Variants in ZMAT4 observed in about 807,000 individuals in gnomAD.
ZMAT4 encodes the protein zinc finger matrin-type protein 4.
In ZMAT4, 17 loss-of-function variants were observed where a neutral mutation model predicts 28.7. The observed-to-expected ratio is 0.59, with a 90% CI of 0.41 to 0.89. The LOEUF is 0.89. ZMAT4 is among the 40% of genes least tolerant of loss of function. The probability of loss-of-function intolerance (pLI) is 0.00; values close to 1 mark genes in which losing one functional copy is unlikely to be tolerated. For missense variants in ZMAT4, 240 were observed against 283.8 expected, an observed-to-expected ratio of 0.85 and a Z score of 1.11; for synonymous variants, 117 against 109.2, an observed-to-expected ratio of 1.07 and a Z score of -0.44.
intron 2 of ZMAT4, among the ~76,000 whole-genome samples, chr8:40,779,791 A>ATCTGGGCTGCC (rs1432402199): frequency 1.3e-5 from 2 of 152,162 alleles, no homozygotes; most frequent in Non-Finnish European, 2.9e-5. Context: ...ATTGGCAGGA[A>ATCTGGGCTGCC]AAGAAACCAG....
At chr8:40,876,623 ATCT>A (rs1230801736) in intron 1 of ZMAT4, among the ~76,000 whole-genome samples, 1 of 152,162 alleles carries the variant, frequency 6.6e-6, no homozygotes, top group African/African-American at 2.4e-5. Flanking sequence ...CCTGCTTATG[ATCT>A]TCTTCATAGT....
At chr8:40,720,960 T>A (rs1296441477) in intron 3 of ZMAT4, among the ~76,000 whole-genome samples, 1 of 141,966 alleles carries the variant, frequency 7.0e-6, no homozygotes, top group Non-Finnish European at 1.6e-5. Context: ...TTTGTTTGTT[T>A]ATTTGTGTTT....
At chr8:40,584,126 T>G (rs1804582700) in intron 5 of ZMAT4, among the ~76,000 whole-genome samples, 1 of 152,180 alleles carries the variant, frequency 6.6e-6, no homozygotes, top group Admixed American at 6.5e-5. Flanking sequence ...TTTGGGGTCC[T>G]GAGTTTATTT....
chr8:40,851,223 G>A (rs892350740), intron 1 of ZMAT4, among the ~76,000 whole-genome samples: 15 of 152,278 alleles, frequency 9.9e-5, no homozygotes, highest in Non-Finnish European at 1.5e-4. Context: ...AGCTACTAGG[G>A]AGGCTAAGGC....
intron 2 of ZMAT4, among the ~76,000 whole-genome samples, chr8:40,775,065 T>C (rs551152854): frequency 1.4e-4 from 22 of 152,308 alleles, no homozygotes; most frequent in African/African-American, 5.1e-4. Flanking sequence ...ATTATATCTG[T>C]TGGTTTCACT....
At chr8:40,592,575 C>T (rs1315123447) in intron 5 of ZMAT4, among the ~76,000 whole-genome samples, 1 of 152,146 alleles carries the variant, frequency 6.6e-6, no homozygotes, top group Non-Finnish European at 1.5e-5. Flanking sequence ...AATGGCTTTG[C>T]ATCTTCAAAA....
intron 6 of ZMAT4, among the ~76,000 whole-genome samples, chr8:40,556,401 C>T (rs1352944952): frequency 5.3e-5 from 8 of 152,090 alleles, no homozygotes. Context: ...GGAGTGATAC[C>T]TCCATCATCA....
intron 2 of ZMAT4, among the ~76,000 whole-genome samples, chr8:40,809,276 G>A (rs935024900): frequency 7.3e-5 from 7 of 96,418 alleles, no homozygotes; most frequent in Admixed American, 3.9e-4. Flanking sequence ...CATAAAGATG[G>A]GAACAATGGA....
chr8:40,849,752 C>T (rs764245818), intron 1 of ZMAT4, among the ~76,000 whole-genome samples: 1 of 152,184 alleles, frequency 6.6e-6, no homozygotes, highest in Non-Finnish European at 1.5e-5. Flanking sequence ...GGATCTCCTT[C>T]CGTGTCTAGA....
At chr8:40,879,630 T>C (rs528981856) in intron 1 of ZMAT4, among the ~76,000 whole-genome samples, 24 of 152,326 alleles carry the variant, frequency 1.6e-4, no homozygotes, top group African/African-American at 5.8e-4. Context: ...TTTCTTTCTG[T>C]AATTTTTATT....
intron 2 of ZMAT4, among the ~76,000 whole-genome samples, chr8:40,818,308 A>G (rs191416267): frequency 9.7e-4 from 148 of 152,386 alleles, no homozygotes; most frequent in Admixed American, 3.1e-3. Context: ...GAAGATTAAG[A>G]ATCTTCAATA....
At chr8:40,601,481 G>GAAAGAAAGAAAAAAGA in intron 5 of ZMAT4, among the ~76,000 whole-genome samples, 1 of 115,086 alleles carries the variant, frequency 8.7e-6, no homozygotes, top group South Asian at 3.0e-4. Flanking sequence ...AAGAAAGAAA[G>GAAAGAAAGAAAAAAGA]AAAGAAAGAA....
chr8:40,601,587 A>G (rs1384423020), intron 5 of ZMAT4, among the ~76,000 whole-genome samples: 4 of 7,632 alleles, frequency 5.2e-4, no homozygotes, highest in African/African-American at 1.2e-3. Context: ...AGAAAGAAAG[A>G]AAGAAAGAAA....
At chr8:40,668,878 T>TG (rs1430655345) in intron 5 of ZMAT4, among the ~76,000 whole-genome samples, 3 of 97,778 alleles carry the variant, frequency 3.1e-5, no homozygotes, top group East Asian at 4.7e-4. Flanking sequence ...CCTTTTAAAG[T>TG]GTTTTTTTTT....
intron 3 of ZMAT4, among the ~76,000 whole-genome samples, chr8:40,764,168 G>A (rs1222367713): frequency 2.0e-5 from 3 of 152,066 alleles, no homozygotes; most frequent in Admixed American, 6.6e-5. Context: ...AACGCTGGAG[G>A]GATTACTGAA....
chr8:40,589,999 T>TCCTTCCTTCCTC (rs1804833695), intron 5 of ZMAT4, among the ~76,000 whole-genome samples: 1 of 119,436 alleles, frequency 8.4e-6, no homozygotes. Flanking sequence ...CTTCCTTCCT[T>TCCTTCCTTCCTC]CCTTCCTTCC....
At chr8:40,816,383 GAAGA>G (rs1411064822) in intron 2 of ZMAT4, among the ~76,000 whole-genome samples, 2 of 152,006 alleles carry the variant, frequency 1.3e-5, no homozygotes, top group Admixed American at 1.3e-4. Context: ...ATAATGTAAG[GAAGA>G]AAGAATTTTT....
rs138915111 is a variant in ZMAT4, at chr8:40,717,550, A to G, written c.193-20149T>C. Reference sequence around the variant, plus strand: ...GTGGTGCATGCCTCTAGTCCCAGCTACTGGGTAGGCTGAGGCAAGAGGATC... The same window carrying G: ...GTGGTGCATGCCTCTAGTCCCAGCTGCTGGGTAGGCTGAGGCAAGAGGATC... On this transcript the variant is annotated intron_variant, in intron 3 of 6. Transcript: ENST00000297737. 1.7e-3 allele frequency among the ~76,000 whole-genome samples: 260 copies of G among 152,250 alleles called. 1 individual carries two copies. The highest frequency in any genetic ancestry group is 5.5e-3 in the African/African-American group (230 of 41,550).
chr8:40,636,409 G>A (rs1328217896), intron 5 of ZMAT4, among the ~76,000 whole-genome samples: 11 of 152,186 alleles, frequency 7.2e-5, no homozygotes, highest in Admixed American at 7.2e-4. Flanking sequence ...TATCCATCAT[G>A]TTTTTTAGCC....
Sources: allele counts gnomAD v4.1 joint callset (sites outside exome capture counted in the v4.1 genomes callset), GRCh38; gene constraint gnomAD v4.1.1; transcripts MANE v1.5; gene names NCBI Gene and HGNC (gene_info 2026-07-23, HGNC 2026-07-21).